PRRC2C: variants seen among roughly 807,000 people sequenced by gnomAD.
The protein encoded by PRRC2C is protein PRRC2C.
In PRRC2C, 72 loss-of-function variants were observed where a neutral mutation model predicts 317.2. That is an observed-to-expected ratio of 0.23 (90% CI 0.19 to 0.28). The LOEUF (loss-of-function observed/expected upper bound fraction) is 0.28, where lower values mean the gene tolerates loss of function less well. PRRC2C is among the 10% of genes least tolerant of loss of function. PRRC2C has a pLI of 1.00. For synonymous variants in PRRC2C, 1,296 were observed against 1,205.9 expected (o/e 1.07, Z -1.55); for missense variants, 3,074 against 3,459.7 (o/e 0.89, Z 2.80).
chr1:171,491,750 A>G (rs954687137), intron 1 of PRRC2C, among the ~76,000 whole-genome samples: 27 of 152,216 alleles, frequency 1.8e-4, no homozygotes, highest in Non-Finnish European at 7.3e-5. Context: ...TCAAGAAACT[A>G]TATTAAATAT....
intron 9 of PRRC2C, among the ~76,000 whole-genome samples, chr1:171,524,495 A>T (rs1674202952): frequency 6.6e-6 from 1 of 152,202 alleles, no homozygotes; most frequent in South Asian, 2.1e-4. Context: ...ATTAGAATGC[A>T]GTTAAATAAT....
At chr1:171,490,774 A>G (rs181559114) in intron 1 of PRRC2C, among the ~76,000 whole-genome samples, 180 of 152,320 alleles carry the variant, frequency 1.2e-3, no homozygotes, top group Non-Finnish European at 2.0e-3. Context: ...TCAAGTTACA[A>G]AAGTGGAAGG....
intron 1 of PRRC2C, among the ~76,000 whole-genome samples, chr1:171,494,151 A>G (rs570814459): frequency 1.3e-5 from 2 of 152,362 alleles, no homozygotes; most frequent in African/African-American, 4.8e-5. Context: ...CAATCACCTC[A>G]TTAAGTAATC....
At chr1:171,550,510 C>T (rs557960860) in intron 18 of PRRC2C, among the ~76,000 whole-genome samples, 1 of 149,746 alleles carries the variant, frequency 6.7e-6, no homozygotes, top group Non-Finnish European at 1.5e-5. Flanking sequence ...GGTACATGTG[C>T]ACAACATGCA....
intron 1 of PRRC2C, among the ~76,000 whole-genome samples, chr1:171,501,369 G>C (rs779742650): frequency 1.2e-4 from 19 of 152,138 alleles, no homozygotes; most frequent in Non-Finnish European, 2.4e-4. Flanking sequence ...GAGCTCAAGT[G>C]ATCTGCATGC....
At chr1:171,555,692 G>C (rs937887725) in intron 18 of PRRC2C, among the ~76,000 whole-genome samples, 1 of 152,154 alleles carries the variant, frequency 6.6e-6, no homozygotes, top group Non-Finnish European at 1.5e-5. Flanking sequence ...ATTCCTTTCT[G>C]TTTGTTAGTT....
intron 24 of PRRC2C, 58 bp from the exon 25 acceptor site, chr1:171,574,869 A>C (rs1430835556): frequency 1.4e-6 from 2 of 1,381,240 alleles, no homozygotes. Flanking sequence ...ATGTATATAC[A>C]TACGTATATT....
Position 171,589,408 on chromosome 1 carries a change from G to A in PRRC2C, c.8239G>A (p.Ala2747Thr), listed in dbSNP as rs913790281. The A allele has an allele frequency of 7.8e-7, 1 of 1,288,220 alleles. No individual in the cohort carries two copies. The highest frequency in any genetic ancestry group is 1.0e-6 in the Non-Finnish European group (1 of 988,624). The allele number at this position is 1,288,220 out of a possible 1,614,324, so 79.8% of individuals were successfully genotyped here. A position where few individuals can be genotyped will look rare whatever the true frequency, so the allele number is the denominator to read the frequency against. The change falls in exon 34 of 35, where the codon GCC (alanine) becomes ACC (threonine). Residue 2747 changes from alanine (A) to threonine (T), a missense_variant. Around this residue, in one of 11 missense-constraint regions of PRRC2C, gnomAD observed 490 missense variants for 663.1 expected, o/e 0.74. Coordinates refer to ENST00000647382, the MANE Select transcript of PRRC2C (RefSeq NM_001387844.1). Reference sequence around the variant, plus strand: ...TAACCTGGTCCCTCCATTGGTAAGAGCCCCACATACTAACACCTTCCCAGC... The same window carrying A: ...TAACCTGGTCCCTCCATTGGTAAGAACCCCACATACTAACACCTTCCCAGC... ...QPNLVPPLVR[A>T]PHTNTFPAPV...
intron 20 of PRRC2C, among the ~76,000 whole-genome samples, chr1:171,565,516 AG>A (rs1185410215): frequency 3.9e-5 from 6 of 152,078 alleles, no homozygotes; most frequent in Non-Finnish European, 7.4e-5. Flanking sequence ...GGCGCAACCT[AG>A]GCTCACTGCA....
intron 16 of PRRC2C, among the ~76,000 whole-genome samples, chr1:171,542,951 G>A (rs1432096781): frequency 2.0e-5 from 3 of 151,420 alleles, no homozygotes; most frequent in Non-Finnish European, 2.9e-5. Flanking sequence ...TAGTAGAGAC[G>A]GGGTTTCACT....
intron 1 of PRRC2C, among the ~76,000 whole-genome samples, chr1:171,494,493 C>G (rs912450048): frequency 6.6e-6 from 1 of 152,126 alleles, no homozygotes; most frequent in Non-Finnish European, 1.5e-5. Flanking sequence ...CTTAGAATTA[C>G]TAGTTCATTT....
Position 171,541,025 on chromosome 1 carries a change from T to C in PRRC2C, c.3559T>C (p.Tyr1187His). ...RERDWFPDQGYRGRGRGEYYS... is the reference protein window; with the variant it reads ...RERDWFPDQGHRGRGRGEYYS... ...GAGAGATTGGTTTCCAGATCAAGGA[T>C]ACAGAGGTCGAGGCCGAGGTGAATA... Residue 1187 changes from tyrosine to histidine, a missense_variant, in exon 16 of 35, where the codon TAC (tyrosine) becomes CAC (histidine). Tyr to His is a moderately conservative substitution (Grantham distance 83). Around this residue, in one of 11 missense-constraint regions of PRRC2C, gnomAD observed 1,320 missense variants for 1,395.7 expected, o/e 0.95. Transcript: ENST00000647382. This position sits in a 1 kb window ranked among gnomAD's most constrained non-coding sequence, Gnocchi z 4.1. 1 of 1,613,484 alleles carries C rather than the reference T, an allele frequency of 6.2e-7. No homozygotes were observed.
Position 171,542,038 on chromosome 1 carries a change from A to G in PRRC2C, c.4572A>G (p.Gln1524=), listed in dbSNP as rs1193809988. 1.1e-5 allele frequency: 18 copies of G among 1,613,812 alleles called. No homozygotes were observed. The highest frequency in any genetic ancestry group is 1.5e-5 in the Non-Finnish European group (18 of 1,179,872). The part of the protein sequence containing the change: ...DEKKNADLNA[Q]TVVKVGENVL... ...AAAAAAATGCTGACTTGAATGCACA[A>G]ACAGTTGTAAAGGTTGGAGAGAATG... The change falls in exon 16 of 35, where the codon CAA becomes CAG. Residue 1524 remains glutamine, a synonymous_variant. Coordinates refer to ENST00000647382, the MANE Select transcript of PRRC2C (RefSeq NM_001387844.1).
intron 1 of PRRC2C, among the ~76,000 whole-genome samples, chr1:171,497,959 C>T (rs1183428905): frequency 6.7e-6 from 1 of 149,030 alleles, no homozygotes; most frequent in Non-Finnish European, 1.5e-5. Flanking sequence ...GGACTACAGG[C>T]ATGAGCCACC....
chr1:171,560,143 T>C (rs1040627123), intron 19 of PRRC2C, among the ~76,000 whole-genome samples: 5 of 152,236 alleles, frequency 3.3e-5, no homozygotes, highest in African/African-American at 9.6e-5. Context: ...GGATTTACCA[T>C]TCTAGACTCC....
intron 16 of PRRC2C, among the ~76,000 whole-genome samples, chr1:171,543,367 T>G (rs576624288): frequency 6.6e-6 from 1 of 152,200 alleles, no homozygotes; most frequent in East Asian, 1.9e-4. Context: ...TAGTATTGAT[T>G]TATTTATTTA....
At chr1:171,487,386 CTAAA>C (rs1666327846) in intron 1 of PRRC2C, among the ~76,000 whole-genome samples, 2 of 152,156 alleles carry the variant, frequency 1.3e-5, no homozygotes, top group African/African-American at 2.4e-5. Flanking sequence ...ACTACAGTAA[CTAAA>C]TAAGATAAAG....
chr1:171,568,109 T>C, intron 22 of PRRC2C, 138 bp from the exon 23 acceptor site: 1 of 1,260,914 alleles, frequency 7.9e-7, no homozygotes, highest in Non-Finnish European at 1.0e-6. Flanking sequence ...CACTTGAGCC[T>C]GGAAGGCAGA....
At chr1:171,553,969 G>A (rs1246916092) in intron 18 of PRRC2C, among the ~76,000 whole-genome samples, 2 of 152,216 alleles carry the variant, frequency 1.3e-5, no homozygotes, top group Non-Finnish European at 2.9e-5. Flanking sequence ...GAGTTCTGTA[G>A]ATGTCTATTA....
Sources: allele counts gnomAD v4.1 joint callset (sites outside exome capture counted in the v4.1 genomes callset), GRCh38; gene constraint gnomAD v4.1.1; regional missense constraint gnomAD v4.1.1; non-coding constraint Gnocchi (gnomAD v3.1); transcripts MANE v1.5; gene names NCBI Gene and HGNC (gene_info 2026-07-23, HGNC 2026-07-21).